Variants in PLEKHA3 observed in about 807,000 individuals in gnomAD.
PLEKHA3 encodes the protein pleckstrin homology domain-containing family A member 3.
Under a neutral mutation model 39.2 loss-of-function variants are expected in PLEKHA3, and 19 were observed. The observed-to-expected ratio is 0.48, with a 90% CI of 0.34 to 0.71. The LOEUF is 0.71. Ranked by LOEUF, PLEKHA3 falls within the 30% of genes least tolerant of loss-of-function variation. The probability of loss-of-function intolerance (pLI) is 0.01; values close to 1 mark genes in which losing one functional copy is unlikely to be tolerated. For synonymous variants in PLEKHA3, 97 were observed against 118.6 expected, an observed-to-expected ratio of 0.82 and a Z score of 1.18; for missense variants, 253 against 359.5, an observed-to-expected ratio of 0.70 and a Z score of 2.40.
At chr2:178,488,553 T>C (rs1485122283) in intron 2 of PLEKHA3, among the ~76,000 whole-genome samples, 1 of 152,272 alleles carries the variant, frequency 6.6e-6, no homozygotes, top group East Asian at 1.9e-4. Context: ...TCTATTCTGT[T>C]CTGTGGCCCT....
intron 1 of PLEKHA3, among the ~76,000 whole-genome samples, chr2:178,482,575 A>T (rs979760596): frequency 6.7e-6 from 1 of 150,358 alleles, no homozygotes; most frequent in Admixed American, 6.6e-5. Flanking sequence ...AAAAAAAGAC[A>T]TTAGCTTGTA....
In PLEKHA3 at chr2:178,483,109, A is replaced by G. The variant is rs371543435; in HGVS notation, c.40+2200A>G. On this transcript the variant is annotated intron_variant, in intron 1 of 7. Coordinates refer to ENST00000234453, the MANE Select transcript of PLEKHA3 (RefSeq NM_019091.4). The stretch of plus-strand genomic sequence containing the variant: ...CCTGTCCCTACAAAAATTACAAAAA[A>G]TTAGCCAGGCATGATGGCATGCACC... Among the ~76,000 whole-genome samples, 8 of 152,300 alleles carry G rather than the reference A, an allele frequency of 5.3e-5. No individual in the cohort carries two copies. In the South Asian group the frequency reaches 1.7e-3, roughly 32 times the overall value.
chr2:178,498,116 A>G (rs1012329358), intron 5 of PLEKHA3, among the ~76,000 whole-genome samples: 2 of 152,210 alleles, frequency 1.3e-5, no homozygotes, highest in Admixed American at 6.5e-5. Flanking sequence ...TTCATCTTAG[A>G]GTAAACTTGC....
rs554317123 is a variant in PLEKHA3, at chr2:178,507,912, T to G, written c.*4025T>G. The G allele has an allele frequency of 1.3e-5, 2 of 153,552 alleles. No individual in the cohort carries two copies. The highest frequency in any genetic ancestry group is 4.8e-5 in the African/African-American group (2 of 41,398). 9.5% of individuals were successfully genotyped at this position (153,552 alleles called of 1,614,324 possible). A position where few individuals can be genotyped will look rare whatever the true frequency, so the allele number is the denominator to read the frequency against. On this transcript the variant is annotated 3_prime_UTR_variant, in exon 8 of 8. Coordinates refer to ENST00000234453, the MANE Select transcript of PLEKHA3 (RefSeq NM_019091.4). The stretch of plus-strand genomic sequence containing the variant: ...CCGTTCCTTTACCTGGGATCTGTTT[T>G]TACACTCTGTAAGCTTTTAGGAACT...
chr2:178,502,823 C>CA (rs1269617807), intron 7 of PLEKHA3, among the ~76,000 whole-genome samples: 1 of 151,558 alleles, frequency 6.6e-6, no homozygotes, highest in African/African-American at 2.4e-5. Flanking sequence ...CACACACACA[C>CA]ACGCGCATAC....
chr2:178,482,935 G>C (rs1370588931), intron 1 of PLEKHA3, among the ~76,000 whole-genome samples: 2 of 152,174 alleles, frequency 1.3e-5, no homozygotes, highest in African/African-American at 4.8e-5. Flanking sequence ...AGAATGAGCA[G>C]CTGTTCATAC....
chr2:178,498,954 T>C (rs1013791787), intron 5 of PLEKHA3, among the ~76,000 whole-genome samples: 5 of 152,180 alleles, frequency 3.3e-5, no homozygotes, highest in Admixed American at 3.3e-4. Context: ...TAAAATTTGG[T>C]TTTCACTTTT....
At chr2:178,492,044 A>C (rs973321662) in intron 3 of PLEKHA3, among the ~76,000 whole-genome samples, 2 of 152,188 alleles carry the variant, frequency 1.3e-5, no homozygotes, top group East Asian at 3.8e-4. Flanking sequence ...CCCAGACTCA[A>C]CATGAGTTTT....
chr2:178,500,492 A>C (rs970772049), intron 6 of PLEKHA3, among the ~76,000 whole-genome samples: 1 of 152,124 alleles, frequency 6.6e-6, no homozygotes, highest in Non-Finnish European at 1.5e-5. Context: ...GTTGTCATTA[A>C]GTACAGTAAA....
rs1212519617 is a variant in PLEKHA3, at chr2:178,507,723, A to G, written c.*3836A>G. Reference sequence around the variant, plus strand: ...AAAGCTCCTCCACCAGTAACTTCCTAAGAAAAGGTGCATAGAAAGTAAAGA... The same window carrying G: ...AAAGCTCCTCCACCAGTAACTTCCTGAGAAAAGGTGCATAGAAAGTAAAGA... On this transcript the variant is annotated 3_prime_UTR_variant, in exon 8 of 8. Coordinates refer to ENST00000234453, the MANE Select transcript of PLEKHA3 (RefSeq NM_019091.4). The G allele has an allele frequency of 8.0e-6, 1 of 125,454 alleles. No homozygotes were observed. The highest frequency in any genetic ancestry group is 2.4e-4 in the East Asian group (1 of 4,094). The allele number at this position is 125,454 out of a possible 1,614,324, so 7.8% of individuals were successfully genotyped here.
chr2:178,489,215 T>G lies in PLEKHA3; in HGVS notation c.158-1444T>G, dbSNP rs1685304872. Among the ~76,000 whole-genome samples the G allele has an allele frequency of 2.0e-5, 3 of 152,326 alleles. No homozygotes were observed. The South Asian group carries it at 6.2e-4, about 32-fold the overall frequency. Reference sequence around the variant, plus strand: ...ATCTTTTGCATTCATAATTGATTGTTGCATGGTTGTATGTTTCAGTGTCTG... The same window carrying G: ...ATCTTTTGCATTCATAATTGATTGTGGCATGGTTGTATGTTTCAGTGTCTG... On this transcript the variant is annotated intron_variant, in intron 2 of 7. Coordinates refer to ENST00000234453, the MANE Select transcript of PLEKHA3 (RefSeq NM_019091.4).
chr2:178,486,509 G>A (rs944416881), intron 2 of PLEKHA3, among the ~76,000 whole-genome samples: 4 of 152,162 alleles, frequency 2.6e-5, no homozygotes, highest in Admixed American at 6.5e-5. Flanking sequence ...TTCCTTTGAC[G>A]TGGTGAGCTC....
rs76960207 is a variant in PLEKHA3, at chr2:178,480,816, C to T, written c.-54C>T. 3.1e-4 allele frequency: 405 copies of T among 1,308,992 alleles called. 7 individuals are homozygous for T. In the East Asian group the frequency reaches 5.9e-3, roughly 19 times the overall value. 81.1% of individuals were successfully genotyped at this position (1,308,992 alleles called of 1,614,324 possible). A position where few individuals can be genotyped will look rare whatever the true frequency, so the allele number is the denominator to read the frequency against. On this transcript the variant is annotated 5_prime_UTR_variant, in exon 1 of 8. Coordinates refer to ENST00000234453, the MANE Select transcript of PLEKHA3 (RefSeq NM_019091.4). ...GCTGCCCCAGGCCCTGCGCCTACCC[C>T]ATCACCGCGGCCGGCGCCGGGCCGG...
At position 178,480,798 on chromosome 2, in the gene PLEKHA3, C is replaced by T. The variant is rs1281935729; in HGVS notation, c.-72C>T. 7.8e-7 allele frequency: 1 copy of T among 1,275,286 alleles called. No individual in the cohort carries two copies. Among genetic ancestry groups the T allele is most frequent in the Non-Finnish European group, 1.0e-6 (1 of 991,066 alleles). The allele number at this position is 1,275,286 out of a possible 1,614,324, so 79.0% of individuals were successfully genotyped here. On this transcript the variant is annotated 5_prime_UTR_variant, in exon 1 of 8. Coordinates refer to ENST00000234453, the MANE Select transcript of PLEKHA3 (RefSeq NM_019091.4). ...CCGGGCGGGCCGGGAGGGGCTGCCCCAGGCCCTGCGCCTACCCCATCACCG... is the reference window on the plus strand; with the variant it reads ...CCGGGCGGGCCGGGAGGGGCTGCCCTAGGCCCTGCGCCTACCCCATCACCG...
chr2:178,487,302 T>G (rs1049451517), intron 2 of PLEKHA3, among the ~76,000 whole-genome samples: 1 of 152,212 alleles, frequency 6.6e-6, no homozygotes, highest in Non-Finnish European at 1.5e-5. Context: ...CTAAACTGAC[T>G]TAGTAGGATT....
chr2:178,499,335 G>A (rs1685494825), intron 6 of PLEKHA3, 81 bp downstream of exon 6: 4 of 1,412,516 alleles, frequency 2.8e-6, no homozygotes, highest in African/African-American at 1.4e-5. Context: ...AACAAGTGGT[G>A]TGGAATGTAA....
At chr2:178,488,839 G>A (rs1331823455) in intron 2 of PLEKHA3, 1 of 299,452 alleles carries the variant, frequency 3.3e-6, no homozygotes, top group African/African-American at 2.2e-5. Flanking sequence ...TGAGTCTTCT[G>A]TTCCATTAAC....
Position 178,509,261 on chromosome 2 carries a change from A to G in PLEKHA3, c.*5374A>G, listed in dbSNP as rs189795418. 6.6e-6 allele frequency: 1 copy of G among 152,268 alleles called. No homozygotes were observed. Among genetic ancestry groups the G allele is most frequent in the East Asian group, 1.9e-4 (1 of 5,180 alleles). 9.4% of individuals were successfully genotyped at this position (152,268 alleles called of 1,614,324 possible). ...TGAAAGTCTAGATTTAAATTCTAAT[A>G]GTGTATAAAAAATAAAAATTCTTTA... On this transcript the variant is annotated 3_prime_UTR_variant, in exon 8 of 8. Transcript: ENST00000234453.
intron 3 of PLEKHA3, 134 bp from the exon 4 acceptor site, chr2:178,493,719 C>T: frequency 1.3e-6 from 1 of 756,222 alleles, no homozygotes; most frequent in Non-Finnish European, 2.1e-6. Context: ...GCTCTTGTAT[C>T]CTGTTTCCAA....
Sources: gnomAD v4.1 joint callset for allele counts (sites outside exome capture counted in the v4.1 genomes callset) on GRCh38, gnomAD v4.1.1 for gene constraint, MANE v1.5 for transcripts, NCBI Gene and HGNC (gene_info 2026-07-23, HGNC 2026-07-21) for gene names.